The following LRRC18 variants were observed in gnomAD, a reference collection of about 807,000 sequenced individuals.
The protein encoded by LRRC18 is leucine-rich repeat-containing protein 18.
A neutral mutation model predicts 11.2 loss-of-function variants in LRRC18; 12 were observed. The observed-to-expected ratio is 1.07, with a 90% CI of 0.69 to 1.74. The LOEUF (loss-of-function observed/expected upper bound fraction) is 1.74, where lower values mean the gene tolerates loss of function less well. LRRC18 is among the 40% of genes most tolerant of loss of function. The pLI is 0.00. For synonymous variants in LRRC18, 155 were observed against 130.6 expected (o/e 1.19, Z -1.27); for missense variants, 374 against 330.5 (o/e 1.13, Z -1.02).
At chr10:48,936,337 A>G in the LRRC18 span, among the ~76,000 whole-genome samples, 1 of 152,190 alleles carries the variant, frequency 6.6e-6, no homozygotes, top group Non-Finnish European at 1.5e-5. Flanking sequence ...AAATTTCTGA[A>G]TGAAGATGAC....
chr10:48,920,967 T>C, the LRRC18 span, among the ~76,000 whole-genome samples: 151 of 152,288 alleles, frequency 9.9e-4, no homozygotes, highest in African/African-American at 3.4e-3. Flanking sequence ...ATTTTTATAA[T>C]GAAAATTATA....
intron 1 of LRRC18, among the ~76,000 whole-genome samples, chr10:48,912,612 C>T (rs989600776): frequency 6.6e-5 from 10 of 152,248 alleles, no homozygotes; most frequent in Non-Finnish European, 1.5e-4. Context: ...GACACGGCCC[C>T]TGCACCTAGC....
the LRRC18 span, among the ~76,000 whole-genome samples, chr10:48,926,159 G>A: frequency 5.3e-5 from 8 of 152,148 alleles, no homozygotes; most frequent in Non-Finnish European, 1.0e-4. Flanking sequence ...ACTGCCTCCC[G>A]GGAGAGGAAG....
chr10:48,931,344 G>C, the LRRC18 span, among the ~76,000 whole-genome samples: 6 of 152,318 alleles, frequency 3.9e-5, no homozygotes, highest in Non-Finnish European at 8.8e-5. Context: ...TCCCAGAGTG[G>C]AATGCAAGAG....
At chr10:48,920,583 GTTC>G in the LRRC18 span, among the ~76,000 whole-genome samples, 1 of 152,156 alleles carries the variant, frequency 6.6e-6, no homozygotes, top group Non-Finnish European at 1.5e-5. Context: ...AGGACAGAAG[GTTC>G]TTCTCTGAAG....
chr10:48,938,298 G>T, the LRRC18 span, among the ~76,000 whole-genome samples: 1 of 152,248 alleles, frequency 6.6e-6, no homozygotes, highest in Non-Finnish European at 1.5e-5. Context: ...GTAGTTGTCT[G>T]CCATATTAGG....
At chr10:48,933,584 C>G in the LRRC18 span, among the ~76,000 whole-genome samples, 1 of 152,166 alleles carries the variant, frequency 6.6e-6, no homozygotes. Context: ...CCAGGTCAAG[C>G]CCCATCCTTA....
chr10:48,934,769 G>C, the LRRC18 span, among the ~76,000 whole-genome samples: 2 of 152,186 alleles, frequency 1.3e-5, no homozygotes, highest in Non-Finnish European at 2.9e-5. Context: ...AGGGGTGACT[G>C]GTCGGGTGAA....
the LRRC18 span, among the ~76,000 whole-genome samples, chr10:48,934,334 A>G: frequency 3.3e-5 from 5 of 152,214 alleles, no homozygotes; most frequent in Non-Finnish European, 5.9e-5. Context: ...ACCACCCACT[A>G]TAGGCCAAGT....
chr10:48,923,051 G>A, the LRRC18 span, among the ~76,000 whole-genome samples: 7 of 152,118 alleles, frequency 4.6e-5, no homozygotes, highest in East Asian at 1.9e-4. Context: ...TTAAAAAATC[G>A]TTTTTAAAAA....
chr10:48,932,959 G>C, the LRRC18 span, among the ~76,000 whole-genome samples: 42,062 of 151,976 alleles, frequency 0.28, 5,937 homozygotes, highest in Admixed American at 0.36. Context: ...GCAGTGCAAG[G>C]TGGGCCATGT....
At chr10:48,923,425 C>T in the LRRC18 span, among the ~76,000 whole-genome samples, 1 of 149,188 alleles carries the variant, frequency 6.7e-6, no homozygotes, top group Non-Finnish European at 1.5e-5. Flanking sequence ...GTAGATTTGC[C>T]AGATTTAGCA....
chr10:48,920,167 A>G, the LRRC18 span, among the ~76,000 whole-genome samples: 4 of 152,364 alleles, frequency 2.6e-5, no homozygotes, highest in Admixed American at 6.5e-5. Flanking sequence ...GACATTTGAC[A>G]ATGTAACATC....
exon 1 of LRRC18, chr10:48,913,701 T>G: frequency 3.7e-6 from 6 of 1,612,634 alleles, no homozygotes; most frequent in Non-Finnish European, 5.1e-6. Context: ...TAGGTTGTCA[T>G]GGAGCCCTAC....
In LRRC18 at chr10:48,914,186, A is replaced by G. The variant is rs79003434; in HGVS notation, c.-31T>C. 603 of 1,589,920 alleles carry G rather than the reference A, an allele frequency of 3.8e-4. 9 individuals carry two copies. The East Asian group carries it at 0.013, about 35-fold the overall frequency. The stretch of plus-strand genomic sequence containing the variant: ...TTTAGTAAGGGAGTGTTAGAAGTTT[A>G]TTGTTCTGATTGGATAGTGATCAGT... On this transcript the variant is annotated 5_prime_UTR_variant, in exon 1 of 2. Coordinates refer to ENST00000374160, the Ensembl canonical transcript of LRRC18.
the LRRC18 span, among the ~76,000 whole-genome samples, chr10:48,930,858 C>A: frequency 3.7e-4 from 56 of 152,048 alleles, no homozygotes; most frequent in African/African-American, 1.3e-3. Context: ...GTGAAAGAAA[C>A]ATTTGTCCGT....
the LRRC18 span, among the ~76,000 whole-genome samples, chr10:48,930,993 C>T: frequency 6.6e-6 from 1 of 152,020 alleles, no homozygotes; most frequent in Admixed American, 6.6e-5. Flanking sequence ...TACTTTCCTT[C>T]TTATATGTCT....
At chr10:48,937,351 AAG>A in the LRRC18 span, among the ~76,000 whole-genome samples, 1 of 152,202 alleles carries the variant, frequency 6.6e-6, no homozygotes, top group Non-Finnish European at 1.5e-5. Flanking sequence ...CATTTGGATG[AAG>A]ATTTTTGTTT....
chr10:48,922,070 TC>T, the LRRC18 span, among the ~76,000 whole-genome samples: 3 of 152,224 alleles, frequency 2.0e-5, no homozygotes, highest in African/African-American at 7.2e-5. Flanking sequence ...ATAATAAATG[TC>T]CTTCAATGGG....
Sources: gnomAD v4.1 joint callset for allele counts (sites outside exome capture counted in the v4.1 genomes callset) on GRCh38, gnomAD v4.1.1 for gene constraint, MANE v1.5 for transcripts, NCBI Gene and HGNC (gene_info 2026-07-23, HGNC 2026-07-21) for gene names.